SND1: variants seen among roughly 807,000 people sequenced by gnomAD.
SND1 encodes the protein staphylococcal nuclease and tudor domain containing 1.
In SND1, 38 loss-of-function variants were observed where a neutral mutation model predicts 121.7. That is an observed-to-expected ratio of 0.31 (90% CI 0.24 to 0.41). SND1 has a LOEUF of 0.41. Among genes scored for constraint, SND1 ranks in the 10% least tolerant of loss-of-function variants. The pLI, the probability that SND1 is intolerant of heterozygous loss-of-function variation, is 1.00. For missense variants in SND1, 868 were observed against 1,184.6 expected, an observed-to-expected ratio of 0.73 and a Z score of 3.92; for synonymous variants, 401 against 447.4, an observed-to-expected ratio of 0.90 and a Z score of 1.31.
At chr7:127,766,849 T>G (rs1358850838) in intron 10 of SND1, among the ~76,000 whole-genome samples, 1 of 150,212 alleles carries the variant, frequency 6.7e-6, no homozygotes, top group Non-Finnish European at 1.5e-5. Context: ...ATTGCCAAAA[T>G]TTGGTGCAAC....
At chr7:127,954,964 A>C (rs1270144395) in intron 15 of SND1, among the ~76,000 whole-genome samples, 2 of 152,184 alleles carry the variant, frequency 1.3e-5, no homozygotes, top group African/African-American at 4.8e-5. Flanking sequence ...TCTTGTTTAG[A>C]ATGAGTATCC....
intron 15 of SND1, among the ~76,000 whole-genome samples, chr7:127,958,742 C>T (rs1050076427): frequency 2.6e-5 from 4 of 152,156 alleles, no homozygotes; most frequent in African/African-American, 9.7e-5. Flanking sequence ...CTCCTGCTTT[C>T]CCCGCCTCTG....
intron 16 of SND1, among the ~76,000 whole-genome samples, chr7:128,045,174 C>T (rs943402870): frequency 3.9e-5 from 6 of 152,188 alleles, no homozygotes; most frequent in Non-Finnish European, 8.8e-5. Context: ...AACCTGAAAA[C>T]GCCAACTTTC....
chr7:127,842,718 T>C (rs1798987033), intron 11 of SND1, among the ~76,000 whole-genome samples: 1 of 152,124 alleles, frequency 6.6e-6, no homozygotes, highest in Admixed American at 6.6e-5. Flanking sequence ...GGGTCTTGCT[T>C]TGTTTCCCAG....
chr7:127,812,708 G>A (rs1024311670), intron 11 of SND1, among the ~76,000 whole-genome samples: 29 of 152,186 alleles, frequency 1.9e-4, no homozygotes, highest in African/African-American at 5.8e-4. Context: ...CACTCTGCTA[G>A]TGAGAGCTCT....
Position 127,691,106 on chromosome 7 carries a change from C to T in SND1, c.229-3722C>T, listed in dbSNP as rs555122251. ...CCACAGAATTATTGAGCTCCTGCTG[C>T]GGGTAAAGTTGTTTATGTTTTCATG... On this transcript the variant is annotated intron_variant, in intron 2 of 23. Transcript: ENST00000354725. Among the ~76,000 whole-genome samples the T allele has an allele frequency of 7.2e-5, 11 of 152,082 alleles. 1 individual carries two copies. Among genetic ancestry groups the T allele is most frequent in the South Asian group, 6.2e-4 (3 of 4,820 alleles).
At chr7:127,890,295 C>T (rs753189921) in intron 13 of SND1, among the ~76,000 whole-genome samples, 35 of 152,126 alleles carry the variant, frequency 2.3e-4, no homozygotes, top group Non-Finnish European at 2.8e-4. Context: ...AGCACCTTTT[C>T]ACACGCCCAT....
At chr7:127,820,066 T>A (rs1317745044) in intron 11 of SND1, among the ~76,000 whole-genome samples, 2 of 152,232 alleles carry the variant, frequency 1.3e-5, no homozygotes, top group Middle Eastern at 3.2e-3. Flanking sequence ...TCATTCTTTC[T>A]CCACCTCTGC....
Position 127,922,175 on chromosome 7 carries a change from CTTTTTTTTTTTTTTTTT to C in SND1, c.1528-7001_1528-6985del, listed in dbSNP as rs1158535023. On this transcript the variant is annotated intron_variant, in intron 14 of 23. Transcript: ENST00000354725. The stretch of plus-strand genomic sequence containing the variant: ...CCAGCTGATTTTCTTTTTTTCTTTC[CTTTTTTTTTTTTTTTTT>C]TTTTTTTTTTTGTTTTGTGAGGCAA... Among the ~76,000 whole-genome samples the C allele has an allele frequency of 1.2e-3, 70 of 57,200 alleles. No homozygotes were observed. The East Asian group carries it at 0.028, about 23-fold the overall frequency. 37.5% of individuals were successfully genotyped at this position (57,200 alleles called of 152,430 possible).
At chr7:127,780,149 A>G (rs747045036) in intron 10 of SND1, among the ~76,000 whole-genome samples, 1 of 152,204 alleles carries the variant, frequency 6.6e-6, no homozygotes, top group African/African-American at 2.4e-5. Context: ...AGCAATAGCA[A>G]TTTCAGGAAT....
intron 9 of SND1, among the ~76,000 whole-genome samples, chr7:127,711,571 G>A (rs568020863): frequency 7.2e-5 from 11 of 151,986 alleles, no homozygotes; most frequent in African/African-American, 2.4e-4. Context: ...ATTTCATAGC[G>A]ATGCACTTTG....
At chr7:127,885,049 C>T (rs1205253380) in intron 12 of SND1, among the ~76,000 whole-genome samples, 1 of 152,106 alleles carries the variant, frequency 6.6e-6, no homozygotes, top group Non-Finnish European at 1.5e-5. Context: ...CCAGGTTGAA[C>T]TCTGATACCT....
chr7:127,984,355 A>G (rs747705772), intron 15 of SND1, among the ~76,000 whole-genome samples: 3 of 152,232 alleles, frequency 2.0e-5, no homozygotes, highest in Non-Finnish European at 4.4e-5. Flanking sequence ...GGGTGTAGCT[A>G]TGCTATACTT....
chr7:127,885,425 G>A (rs929305077), intron 12 of SND1, among the ~76,000 whole-genome samples: 4 of 152,116 alleles, frequency 2.6e-5, no homozygotes, highest in Non-Finnish European at 4.4e-5. Flanking sequence ...TAGGGGATAA[G>A]AAGCTAAGAG....
At chr7:127,708,197 A>G (rs1268292630) in intron 9 of SND1, among the ~76,000 whole-genome samples, 1 of 152,160 alleles carries the variant, frequency 6.6e-6, no homozygotes, top group Non-Finnish European at 1.5e-5. Context: ...TAAGTGTTCC[A>G]AATGTGTTTA....
chr7:127,953,294 G>A (rs1801511270), intron 15 of SND1, among the ~76,000 whole-genome samples: 1 of 151,694 alleles, frequency 6.6e-6, no homozygotes, highest in African/African-American at 2.4e-5. Context: ...ATCTGCTAAT[G>A]GGAGCAGAGG....
At chr7:127,938,541 A>G (rs1801114649) in intron 15 of SND1, among the ~76,000 whole-genome samples, 1 of 152,224 alleles carries the variant, frequency 6.6e-6, no homozygotes. Context: ...AGTTTCCGAG[A>G]AGATCTGCTA....
intron 15 of SND1, among the ~76,000 whole-genome samples, chr7:127,934,315 G>C (rs1801011117): frequency 6.6e-6 from 1 of 152,222 alleles, no homozygotes; most frequent in Non-Finnish European, 1.5e-5. Flanking sequence ...GGAGGGTAGA[G>C]TGTGGGGTCA....
chr7:128,073,830 T>G (rs1356309912), intron 16 of SND1, among the ~76,000 whole-genome samples: 1 of 152,098 alleles, frequency 6.6e-6, no homozygotes. Flanking sequence ...TTATCCTGGG[T>G]CCTCGGGATG....
Sources: allele counts gnomAD v4.1 joint callset (sites outside exome capture counted in the v4.1 genomes callset), GRCh38; gene constraint gnomAD v4.1.1; transcripts MANE v1.5; gene names NCBI Gene and HGNC (gene_info 2026-07-23, HGNC 2026-07-21).